The following NOSTRIN variants were observed in gnomAD, a reference collection of about 807,000 sequenced individuals.
NOSTRIN encodes BM247 homolog.
Under a neutral mutation model 59.0 loss-of-function variants are expected in NOSTRIN, and 63 were observed. The ratio of observed to expected loss-of-function variants is 1.07; its 90% CI spans 0.87 to 1.32. The LOEUF is 1.32. Among genes scored for constraint, NOSTRIN ranks in the 40% most tolerant of loss-of-function variants. NOSTRIN has a pLI of 0.00. For synonymous variants in NOSTRIN, 200 were observed against 165.4 expected (o/e 1.21, Z -1.61); for missense variants, 512 against 473.1 (o/e 1.08, Z -0.76).
chr2:168,806,167 T>G (rs1685841677), intron 1 of NOSTRIN, among the ~76,000 whole-genome samples: 1 of 152,110 alleles, frequency 6.6e-6, no homozygotes, highest in Non-Finnish European at 1.5e-5. Context: ...ATGATATCAG[T>G]AGCACAGTGC....
intron 6 of NOSTRIN, among the ~76,000 whole-genome samples, chr2:168,832,668 A>G (rs1687429806): frequency 6.6e-6 from 1 of 152,264 alleles, no homozygotes; most frequent in South Asian, 2.1e-4. Flanking sequence ...TTACAATGGT[A>G]AAAGGATGCT....
At chr2:168,850,251 C>T (rs1287799357) in intron 8 of NOSTRIN, among the ~76,000 whole-genome samples, 1 of 152,100 alleles carries the variant, frequency 6.6e-6, no homozygotes, top group Non-Finnish European at 1.5e-5. Context: ...ATGTGATTCC[C>T]CTCACTTTCT....
intron 2 of NOSTRIN, among the ~76,000 whole-genome samples, chr2:168,790,459 T>C (rs1482764397): frequency 2.0e-5 from 3 of 152,060 alleles, no homozygotes; most frequent in Non-Finnish European, 4.4e-5. Context: ...ATGGGGCAAA[T>C]GAAATGAGTC....
At chr2:168,818,266 G>C (rs199984335) in intron 2 of NOSTRIN, 1 of 425,362 alleles carries the variant, frequency 2.4e-6, no homozygotes, top group African/African-American at 2.0e-5. Context: ...AACTCCTCTC[G>C]CCTCAGCCTC....
intron 3 of NOSTRIN, among the ~76,000 whole-genome samples, chr2:168,826,042 G>A (rs1274535664): frequency 6.6e-6 from 1 of 152,226 alleles, no homozygotes; most frequent in Non-Finnish European, 1.5e-5. Flanking sequence ...GAGTGACCTA[G>A]GAAAATTTAT....
intron 7 of NOSTRIN, among the ~76,000 whole-genome samples, chr2:168,840,065 A>C (rs1687981649): frequency 6.6e-6 from 1 of 151,818 alleles, no homozygotes; most frequent in Non-Finnish European, 1.5e-5. Context: ...CTCAAAAGCA[A>C]CTCAGTTCTC....
At chr2:168,789,906 C>G (rs151227881) in intron 2 of NOSTRIN, among the ~76,000 whole-genome samples, 4 of 152,240 alleles carry the variant, frequency 2.6e-5, no homozygotes, top group Admixed American at 6.5e-5. Context: ...CATAAAAGAG[C>G]TTATGAGAGC....
chr2:168,854,544 A>C (rs895643109), intron 10 of NOSTRIN, among the ~76,000 whole-genome samples: 5 of 152,180 alleles, frequency 3.3e-5, no homozygotes, highest in Non-Finnish European at 5.9e-5. Context: ...CTATGTGATA[A>C]AATTCCTACA....
intron 7 of NOSTRIN, among the ~76,000 whole-genome samples, 189 bp downstream of exon 7, chr2:168,834,514 C>CACACGCACAT (rs1687596444): frequency 7.1e-6 from 1 of 141,186 alleles, no homozygotes; most frequent in African/African-American, 2.7e-5. Flanking sequence ...CGCGCACACA[C>CACACGCACAT]ACACACACAC....
At chr2:168,839,796 G>A (rs538850707) in intron 7 of NOSTRIN, among the ~76,000 whole-genome samples, 4 of 149,032 alleles carry the variant, frequency 2.7e-5, no homozygotes, top group East Asian at 4.0e-4. Flanking sequence ...TGAGGCAGGC[G>A]AATCGCTTGA....
chr2:168,856,897 T>A, intron 12 of NOSTRIN, 119 bp downstream of exon 12: 2 of 849,724 alleles, frequency 2.4e-6, no homozygotes, highest in Non-Finnish European at 3.8e-6. Context: ...TAGAACAATC[T>A]AGTGGGGGAG....
intron 7 of NOSTRIN, among the ~76,000 whole-genome samples, chr2:168,842,419 T>G (rs1688158627): frequency 6.6e-6 from 1 of 152,202 alleles, no homozygotes; most frequent in Admixed American, 6.5e-5. Context: ...TAAGGTTAAG[T>G]AACTTGTTTG....
At chr2:168,797,640 T>C (rs1329453434), upstream of NOSTRIN, among the ~76,000 whole-genome samples, 3 of 151,780 alleles carry the variant, frequency 2.0e-5, no homozygotes, top group Admixed American at 2.0e-4. Flanking sequence ...TCAGTTCTTT[T>C]TTTAAAATTA....
chr2:168,823,517 C>T (rs1488472556), intron 2 of NOSTRIN, among the ~76,000 whole-genome samples: 1 of 152,194 alleles, frequency 6.6e-6, no homozygotes, highest in Admixed American at 6.5e-5. Context: ...CTTGTAGATG[C>T]ACCACTCAGA....
intron 2 of NOSTRIN, among the ~76,000 whole-genome samples, chr2:168,792,359 T>C (rs1375174862): frequency 2.6e-5 from 4 of 152,174 alleles, no homozygotes; most frequent in African/African-American, 7.2e-5. Context: ...GAATTCTAAA[T>C]TGTTTGGTGT....
chr2:168,796,164 C>T (rs1489179660), upstream of NOSTRIN, among the ~76,000 whole-genome samples: 1 of 152,212 alleles, frequency 6.6e-6, no homozygotes, highest in Non-Finnish European at 1.5e-5. Context: ...ACTGCCATGG[C>T]ACTCATGTGC....
chr2:168,809,702 G>T (rs1686037380), intron 1 of NOSTRIN, among the ~76,000 whole-genome samples: 1 of 145,130 alleles, frequency 6.9e-6, no homozygotes, highest in Non-Finnish European at 1.5e-5. Flanking sequence ...ATTCATATAT[G>T]GTCTGATAAT....
intron 12 of NOSTRIN, 155 bp from the exon 13 acceptor site, chr2:168,859,357 A>ATT: frequency 1.8e-6 from 2 of 1,116,964 alleles, no homozygotes; most frequent in Non-Finnish European, 2.5e-6. Context: ...TTATTCCTCC[A>ATT]TTTTTTTTTC....
At chr2:168,851,812 A>G (rs143869345) in intron 10 of NOSTRIN, among the ~76,000 whole-genome samples, 1,525 of 152,030 alleles carry the variant, frequency 0.01, 10 homozygotes, top group Middle Eastern at 0.017. Context: ...ATTATCTCAT[A>G]GTTTATGTGG....
Sources: allele counts gnomAD v4.1 joint callset (sites outside exome capture counted in the v4.1 genomes callset), GRCh38; gene constraint gnomAD v4.1.1; transcripts MANE v1.5; gene names NCBI Gene and HGNC (gene_info 2026-07-23, HGNC 2026-07-21).